MED9: variants seen among roughly 807,000 people sequenced by gnomAD.
MED9 encodes mediator complex subunit 9, also known as mediator of RNA polymerase II transcription subunit 9.
MED9 carries 8 observed loss-of-function variants against 13.2 expected under a neutral mutation model. That is an observed-to-expected ratio of 0.61 (90% CI 0.36 to 1.10). The LOEUF is 1.10. Among genes scored for constraint, MED9 ranks in the 50% least tolerant of loss-of-function variants. MED9 has a pLI of 0.02. For missense variants in MED9, 180 were observed against 193.4 expected, an observed-to-expected ratio of 0.93 and a Z score of 0.41; for synonymous variants, 87 against 82.8, an observed-to-expected ratio of 1.05 and a Z score of -0.28.
intron 1 of MED9, 27 bp downstream of exon 1, chr17:17,477,292 C>G: frequency 6.5e-7 from 1 of 1,543,940 alleles, no homozygotes; most frequent in Non-Finnish European, 8.8e-7. Flanking sequence ...GGACCAGGCC[C>G]CATACTCCCT....
At chr17:17,477,387 A>T in intron 1 of MED9, 122 bp downstream of exon 1, 1 of 1,141,428 alleles carries the variant, frequency 8.8e-7, no homozygotes, top group Non-Finnish European at 1.2e-6. Flanking sequence ...GGGGAAACTC[A>T]GACCCAGAGC....
rs749671809 is a variant in MED9, at chr17:17,491,531, A to C, written c.*36A>C. 5 of 1,558,098 alleles carry C rather than the reference A, an allele frequency of 3.2e-6. No individual in the cohort carries two copies. The East Asian group carries it at 1.1e-4, about 35-fold the overall frequency. ...ACTTCCTTAGAAAGAGGGGGAAGCC[A>C]ATGGCCTGTCTCCCCACTACCATCC... On this transcript the variant is annotated 3_prime_UTR_variant, in exon 2 of 2. Coordinates refer to ENST00000268711, the MANE Select transcript of MED9 (RefSeq NM_018019.3).
At chr17:17,486,841 C>T (rs1034314710) in intron 1 of MED9, 2 of 152,584 alleles carry the variant, frequency 1.3e-5, no homozygotes, top group African/African-American at 4.8e-5. Context: ...CGTGGAGAGT[C>T]TTTATGTCTA....
At chr17:17,481,385 T>C (rs928548376) in intron 1 of MED9, among the ~76,000 whole-genome samples, 18 of 152,218 alleles carry the variant, frequency 1.2e-4, no homozygotes, top group Admixed American at 3.9e-4. Flanking sequence ...TTCAGAGTTT[T>C]TGAAAAATTA....
rs542315340 is a variant in MED9 at position 17,483,810 on chromosome 17, G to A, written c.224+6545G>A. Among the ~76,000 whole-genome samples, 65 of 151,886 alleles carry A rather than the reference G, an allele frequency of 4.3e-4. No individual in the cohort carries two copies. Among genetic ancestry groups the A allele is most frequent in the Non-Finnish European group, 7.4e-4 (50 of 67,982 alleles). On this transcript the variant is annotated intron_variant, in intron 1 of 1. Transcript: ENST00000268711. This position sits in a 1 kb window ranked among gnomAD's most constrained non-coding sequence, Gnocchi z 4.2. ...AAATTAGCTGGATGTGGTGGTGCAC[G>A]CCTGTAATCCCAGCTACTAGGGAGG...
At chr17:17,488,844 GAAAA>G (rs753433378) in intron 1 of MED9, among the ~76,000 whole-genome samples, 1 of 149,068 alleles carries the variant, frequency 6.7e-6, no homozygotes, top group South Asian at 2.2e-4. Context: ...AAAAAAAAAA[GAAAA>G]AAAGAAACCA....
chr17:17,482,809 G>A (rs963049366), intron 1 of MED9, among the ~76,000 whole-genome samples: 5 of 152,142 alleles, frequency 3.3e-5, no homozygotes, highest in African/African-American at 4.8e-5. Flanking sequence ...AGGGGGCCTC[G>A]GTTAGCCACA....
Position 17,491,260 on chromosome 17 carries a change from A to G in MED9, c.225-19A>G. 1 of 1,602,010 alleles carries G rather than the reference A, an allele frequency of 6.2e-7. No individual in the cohort carries two copies. The highest frequency in any genetic ancestry group is 8.5e-7 in the Non-Finnish European group (1 of 1,170,620). On this transcript the variant is annotated intron_variant, in intron 1 of 1. Transcript: ENST00000268711. The stretch of plus-strand genomic sequence containing the variant: ...CGTGTATCAAGCTGTGAATGCTAAC[A>G]GCTGTTCTTCCCCCACAGCATGGAC...
chr17:17,481,339 A>G (rs1905031002), intron 1 of MED9, among the ~76,000 whole-genome samples: 1 of 152,214 alleles, frequency 6.6e-6, no homozygotes, highest in Admixed American at 6.5e-5. Flanking sequence ...TAAAATCTGA[A>G]GTAGTGAATT....
At chr17:17,489,967 C>T (rs1905201515) in intron 1 of MED9, among the ~76,000 whole-genome samples, 1 of 152,228 alleles carries the variant, frequency 6.6e-6, no homozygotes, top group South Asian at 2.1e-4. Context: ...TTAGCACCAT[C>T]TGGGTTGAAA....
chr17:17,480,743 CAGT>C (rs1377336318), intron 1 of MED9, among the ~76,000 whole-genome samples: 1 of 152,108 alleles, frequency 6.6e-6, no homozygotes, highest in Non-Finnish European at 1.5e-5. Flanking sequence ...GTGGAGGAAA[CAGT>C]AGCCACAAAG....
chr17:17,483,679 C>G lies in MED9; in HGVS notation c.224+6414C>G, dbSNP rs147869299. Among the ~76,000 whole-genome samples the G allele has an allele frequency of 6.6e-6, 1 of 151,906 alleles. No individual in the cohort carries two copies. Among genetic ancestry groups the G allele is most frequent in the Non-Finnish European group, 1.5e-5 (1 of 67,994 alleles). Reference sequence around the variant, plus strand: ...GGAGGCTGGGCACGGTGGCTCACACCTGTAATCCCAGCACTTTGGGAGGCC... The same window carrying G: ...GGAGGCTGGGCACGGTGGCTCACACGTGTAATCCCAGCACTTTGGGAGGCC... On this transcript the variant is annotated intron_variant, in intron 1 of 1. Transcript: ENST00000268711. This position sits in a 1 kb window ranked among gnomAD's most constrained non-coding sequence, Gnocchi z 4.2.
At chr17:17,484,413 C>T (rs1359493072) in intron 1 of MED9, among the ~76,000 whole-genome samples, 1 of 152,248 alleles carries the variant, frequency 6.6e-6, no homozygotes, top group Non-Finnish European at 1.5e-5. Context: ...AGCAAGACCT[C>T]AGAGCCCCAG....
At chr17:17,478,537 C>T (rs1904967984) in intron 1 of MED9, among the ~76,000 whole-genome samples, 1 of 152,174 alleles carries the variant, frequency 6.6e-6, no homozygotes, top group South Asian at 2.1e-4. Flanking sequence ...TAGACCCTGG[C>T]TTCATTTGGT....
Position 17,491,679 on chromosome 17 carries a change from C to G in MED9, c.*184C>G. 4.9e-6 allele frequency: 3 copies of G among 612,474 alleles called. No homozygotes were observed. The highest frequency in any genetic ancestry group is 8.6e-6 in the Non-Finnish European group (3 of 349,262). 37.9% of individuals were successfully genotyped at this position (612,474 alleles called of 1,614,324 possible). A position where few individuals can be genotyped will look rare whatever the true frequency, so the allele number is the denominator to read the frequency against. On this transcript the variant is annotated 3_prime_UTR_variant, in exon 2 of 2. Coordinates refer to ENST00000268711, the MANE Select transcript of MED9 (RefSeq NM_018019.3). ...CGGGAGCCAGCGCAGAGCTTGGCTG[C>G]GCCGGGGGTTCCTCGTGTAGATCCA...
rs1179397119 is a variant in MED9, at chr17:17,491,347, G to A, written c.293G>A (p.Arg98His). ...NALKSKFQEM[R>H]KLISTMPGIH... Reference sequence around the variant, plus strand: ...CTCAAAAGCAAGTTCCAGGAGATGCGCAAGCTCATCAGCACCATGCCCGGC... The same window carrying A: ...CTCAAAAGCAAGTTCCAGGAGATGCACAAGCTCATCAGCACCATGCCCGGC... The change falls in exon 2 of 2, where the codon CGC (arginine) becomes CAC (histidine). Residue 98 changes from arginine (R) to histidine (H), a missense_variant. Coordinates refer to ENST00000268711, the MANE Select transcript of MED9 (RefSeq NM_018019.3). 1 of 1,613,964 alleles carries A rather than the reference G, an allele frequency of 6.2e-7. No homozygotes were observed. Among genetic ancestry groups the A allele is most frequent in the South Asian group, 1.1e-5 (1 of 91,078 alleles).
chr17:17,481,114 CAG>C (rs1160440493), intron 1 of MED9, among the ~76,000 whole-genome samples: 23 of 152,270 alleles, frequency 1.5e-4, no homozygotes, highest in Admixed American at 3.9e-4. Context: ...AGCCAGGAAA[CAG>C]AGTGCAGGTG....
In MED9 at chr17:17,477,266, G is replaced by A; in HGVS notation, c.224+1G>A. 1 of 1,588,196 alleles carries A rather than the reference G, an allele frequency of 6.3e-7. No homozygotes were observed. Among genetic ancestry groups the A allele is most frequent in the Non-Finnish European group, 8.6e-7 (1 of 1,165,304 alleles). On this transcript the variant is annotated splice_donor_variant, in intron 1 of 1. Transcript: ENST00000268711. LOFTEE classifies it high-confidence loss of function. ...CTTTGGTTCACAACATCATCAAATG[G>A]TAAGAACCTAGGAGAGGACCAGGCC...
At chr17:17,485,190 CA>C (rs77532914) in intron 1 of MED9, 371 of 360,676 alleles carry the variant, frequency 1.0e-3, no homozygotes, top group African/African-American at 5.5e-3. Flanking sequence ...AAAAACAAAA[CA>C]AAAAAAAATT....
Sources: gnomAD v4.1 joint callset for allele counts (sites outside exome capture counted in the v4.1 genomes callset) on GRCh38, gnomAD v4.1.1 for gene constraint, Gnocchi (gnomAD v3.1) non-coding constraint, MANE v1.5 for transcripts, NCBI Gene and HGNC (gene_info 2026-07-23, HGNC 2026-07-21) for gene names.